The following RNLS variants were observed in gnomAD, a reference collection of about 807,000 sequenced individuals.
RNLS encodes the protein renalase, FAD dependent amine oxidase.
In RNLS, 39 loss-of-function variants were observed where a neutral mutation model predicts 39.8. The observed-to-expected ratio is 0.98, with a 90% CI of 0.76 to 1.28. RNLS has a LOEUF of 1.28. Among genes scored for constraint, RNLS ranks in the 50% most tolerant of loss-of-function variants. The pLI is 0.00. For missense variants in RNLS, 410 were observed against 413.3 expected (o/e 0.99, Z 0.07); for synonymous variants, 147 against 150.7 (o/e 0.98, Z 0.18).
intron 4 of RNLS, among the ~76,000 whole-genome samples, chr10:88,466,294 A>T (rs1843201245): frequency 6.6e-6 from 1 of 152,080 alleles, no homozygotes; most frequent in Admixed American, 6.6e-5. Context: ...TTCTGTCATG[A>T]GGGCCGGGGA....
chr10:88,215,111 G>A, the RNLS span, among the ~76,000 whole-genome samples: 2,035 of 151,788 alleles, frequency 0.013, 42 homozygotes, highest in African/African-American at 0.041. Flanking sequence ...ATTTTAAATA[G>A]GAGTGAGTAA....
chr10:88,361,312 C>A (rs1409183329), intron 5 of RNLS, among the ~76,000 whole-genome samples: 1 of 152,184 alleles, frequency 6.6e-6, no homozygotes, highest in Non-Finnish European at 1.5e-5. Flanking sequence ...CAGTCCATAG[C>A]AGATAATATA....
the RNLS span, among the ~76,000 whole-genome samples, chr10:88,255,105 A>G: frequency 6.6e-6 from 1 of 152,172 alleles, no homozygotes; most frequent in South Asian, 2.1e-4. Context: ...CCTTTCTCCA[A>G]CAGCAAGGAA....
intron 4 of RNLS, among the ~76,000 whole-genome samples, chr10:88,517,926 C>T (rs1275384514): frequency 2.0e-5 from 3 of 151,804 alleles, no homozygotes; most frequent in Non-Finnish European, 4.4e-5. Context: ...GGTATTAAAA[C>T]ATTAAGATTC....
chr10:88,319,094 A>G (rs901795077), intron 5 of RNLS, among the ~76,000 whole-genome samples: 1 of 152,188 alleles, frequency 6.6e-6, no homozygotes, highest in Non-Finnish European at 1.5e-5. Context: ...ATAGAGTGTT[A>G]GCTCATATGT....
chr10:88,577,364 T>C (rs61852500), intron 3 of RNLS, among the ~76,000 whole-genome samples: 10,368 of 152,162 alleles, frequency 0.068, 450 homozygotes, highest in Non-Finnish European at 0.1. Flanking sequence ...TTGCCCTCCA[T>C]GAGAGACTTA....
rs534079828 is a variant in RNLS, at chr10:88,374,353, C to G, written c.527-11628G>C. ...CAAGGTATCTGTTTTTACCAGGTGTCTGTTATTAATTAGTTAGTATATAAT... is the reference window on the plus strand; with the variant it reads ...CAAGGTATCTGTTTTTACCAGGTGTGTGTTATTAATTAGTTAGTATATAAT... On this transcript the variant is annotated intron_variant, in intron 4 of 6. Coordinates refer to ENST00000331772, the MANE Select transcript of RNLS (RefSeq NM_001031709.3). 3.3e-5 allele frequency among the ~76,000 whole-genome samples: 5 copies of G among 152,008 alleles called. No homozygotes were observed. The South Asian group carries it at 1.0e-3, about 31-fold the overall frequency.
At chr10:88,550,741 G>C (rs1848569646) in intron 4 of RNLS, among the ~76,000 whole-genome samples, 1 of 152,102 alleles carries the variant, frequency 6.6e-6, no homozygotes, top group Non-Finnish European at 1.5e-5. Context: ...TACATCCTAT[G>C]AATTTGTGTT....
chr10:88,197,817 T>C, the RNLS span, among the ~76,000 whole-genome samples: 25 of 152,282 alleles, frequency 1.6e-4, no homozygotes, highest in African/African-American at 6.0e-4. Context: ...AAAGGCCGTG[T>C]GTAGGCATAG....
chr10:88,427,826 C>G (rs1854882097), intron 4 of RNLS, among the ~76,000 whole-genome samples: 1 of 151,906 alleles, frequency 6.6e-6, no homozygotes, highest in African/African-American at 2.4e-5. Flanking sequence ...TCAGAATGAT[C>G]CATGGCTTAT....
chr10:88,298,006 T>C lies in RNLS; in HGVS notation c.877-12500A>G, dbSNP rs117157052. On this transcript the variant is annotated intron_variant, in intron 6 of 6. Transcript: ENST00000331772. ...TCTCTAACACTTATTATTCTGTATC[T>C]TGTAGCCATCCTAATGGTAGTGAAA... Among the ~76,000 whole-genome samples, 167 of 152,294 alleles carry C rather than the reference T, an allele frequency of 1.1e-3. 1 individual carries two copies. In the East Asian group the frequency reaches 0.028, roughly 26 times the overall value.
chr10:88,535,264 G>A (rs1018799847), intron 4 of RNLS, among the ~76,000 whole-genome samples: 1 of 152,156 alleles, frequency 6.6e-6, no homozygotes, highest in Non-Finnish European at 1.5e-5. Context: ...AAACACAAGT[G>A]TGTAATGTGT....
At chr10:88,396,738 C>A (rs1371496003) in intron 4 of RNLS, among the ~76,000 whole-genome samples, 1 of 149,544 alleles carries the variant, frequency 6.7e-6, no homozygotes, top group African/African-American at 2.4e-5. Flanking sequence ...ACTCTATGCT[C>A]TCTATAAGAG....
chr10:88,454,921 C>A (rs940078761), intron 4 of RNLS, among the ~76,000 whole-genome samples: 7 of 152,182 alleles, frequency 4.6e-5, no homozygotes, highest in Non-Finnish European at 1.0e-4. Flanking sequence ...TATAAATACT[C>A]ATTTTTATTC....
chr10:88,268,179 T>C, the RNLS span, among the ~76,000 whole-genome samples: 1,816 of 152,316 alleles, frequency 0.012, 12 homozygotes, highest in Middle Eastern at 0.031. Context: ...AAGCTCACCC[T>C]CTGAAGGCTT....
At chr10:88,542,358 C>CTTTTTGGT (rs60843199) in intron 4 of RNLS, among the ~76,000 whole-genome samples, 2,087 of 152,224 alleles carry the variant, frequency 0.014, 49 homozygotes, top group African/African-American at 0.048. Context: ...TTCTGTTGTA[C>CTTTTTGGT]TCTCATTAAG....
rs757519623 is a variant in RNLS at position 88,362,594 on chromosome 10, A to C, written c.658T>G (p.Cys220Gly). ...TTATCAATGGAGACGAAGCGTATGC[A>C]GGGATTACTGGTGATGTACTGCCCA... ...WAGQYITSNP[C>G]IRFVSIDNKK... The change falls in exon 5 of 7, where the codon TGC (cysteine) becomes GGC (glycine). Residue 220 changes from cysteine (C) to glycine (G), a missense_variant. Cys to Gly is a radical substitution (Grantham distance 159, BLOSUM62 -3). Coordinates refer to ENST00000331772, the MANE Select transcript of RNLS (RefSeq NM_001031709.3). 6.2e-7 allele frequency: 1 copy of C among 1,613,876 alleles called. No homozygotes were observed. Among genetic ancestry groups the C allele is most frequent in the Non-Finnish European group, 8.5e-7 (1 of 1,179,870 alleles).
At chr10:88,185,168 C>T in the RNLS span, among the ~76,000 whole-genome samples, 48 of 152,138 alleles carry the variant, frequency 3.2e-4, no homozygotes, top group South Asian at 3.3e-3. Context: ...AATATGGGGA[C>T]GAGAGTGGAT....
the RNLS span, among the ~76,000 whole-genome samples, chr10:88,195,475 G>A: frequency 6.6e-6 from 1 of 152,110 alleles, no homozygotes; most frequent in African/African-American, 2.4e-5. Context: ...GCACACCATG[G>A]GAGATCTGTA....
Sources: gnomAD v4.1 joint callset for allele counts (sites outside exome capture counted in the v4.1 genomes callset) on GRCh38, gnomAD v4.1.1 for gene constraint, MANE v1.5 for transcripts, NCBI Gene and HGNC (gene_info 2026-07-23, HGNC 2026-07-21) for gene names.